CELSR1: variants seen among roughly 807,000 people sequenced by gnomAD.
The protein encoded by CELSR1 is adhesion G protein-coupled receptor C1.
A neutral mutation model predicts 249.1 loss-of-function variants in CELSR1; 110 were observed. The ratio of observed to expected loss-of-function variants is 0.44; its 90% CI spans 0.38 to 0.52. The LOEUF (loss-of-function observed/expected upper bound fraction) is 0.52. Among genes scored for constraint, CELSR1 ranks in the 20% least tolerant of loss-of-function variants. CELSR1 has a pLI of 0.00. For synonymous variants in CELSR1, 2,113 were observed against 1,900.0 expected (o/e 1.11, Z -2.92); for missense variants, 4,109 against 4,296.4 (o/e 0.96, Z 1.22).
rs1381833043 is a variant in CELSR1 at position 46,437,765 on chromosome 22, AAAAC to A, written c.4406+1420_4406+1423del. Among the ~76,000 whole-genome samples the A allele has an allele frequency of 6.6e-6, 1 of 152,004 alleles. No homozygotes were observed. Among genetic ancestry groups the A allele is most frequent in the African/African-American group, 2.4e-5 (1 of 41,294 alleles). Reference sequence around the variant, plus strand: ...AAGACTCCGTCTCAAAAAAAAAAAAAAAACTGATGGTTCCCAACTGTCGCCCAAA... The same window carrying A: ...AAGACTCCGTCTCAAAAAAAAAAAAATGATGGTTCCCAACTGTCGCCCAAA... On this transcript the variant is annotated intron_variant, in intron 3 of 34. Coordinates refer to ENST00000674500, the MANE Select transcript of CELSR1 (RefSeq NM_001378328.1). This position sits in a 1 kb window ranked among gnomAD's most constrained non-coding sequence, Gnocchi z 4.9.
Position 46,412,724 on chromosome 22 carries a change from A to T in CELSR1, c.4612-965T>A, listed in dbSNP as rs1002414624. Among the ~76,000 whole-genome samples, 1 of 152,126 alleles carries T rather than the reference A, an allele frequency of 6.6e-6. No individual in the cohort carries two copies. Among genetic ancestry groups the T allele is most frequent in the Non-Finnish European group, 1.5e-5 (1 of 68,016 alleles). On this transcript the variant is annotated intron_variant, in intron 5 of 34. Transcript: ENST00000674500. The surrounding 1 kb of genome is among the most constrained non-coding windows in gnomAD (Gnocchi z 4.5). Reference sequence around the variant, plus strand: ...CCTCAGACGCCCTTCCAGGAGGAAAAGCAGCACCCGCCCTACACAATCCAT... The same window carrying T: ...CCTCAGACGCCCTTCCAGGAGGAAATGCAGCACCCGCCCTACACAATCCAT...
rs1047520500 is a variant in CELSR1, at chr22:46,413,491, G to A, written c.4612-1732C>T. Among the ~76,000 whole-genome samples, 3 of 152,282 alleles carry A rather than the reference G, an allele frequency of 2.0e-5. No individual in the cohort carries two copies. The highest frequency in any genetic ancestry group is 2.9e-5 in the Non-Finnish European group (2 of 68,022). On this transcript the variant is annotated intron_variant, in intron 5 of 34. Transcript: ENST00000674500. This position sits in a 1 kb window ranked among gnomAD's most constrained non-coding sequence, Gnocchi z 4.7. ...TCAATTTCTTTTTGTGCAAGATAACGATTTACTATTAGAACACACGTCCTC... is the reference window on the plus strand; with the variant it reads ...TCAATTTCTTTTTGTGCAAGATAACAATTTACTATTAGAACACACGTCCTC...
At chr22:46,521,372 G>A (rs1293934141) in intron 1 of CELSR1, among the ~76,000 whole-genome samples, 1 of 152,064 alleles carries the variant, frequency 6.6e-6, no homozygotes, top group Non-Finnish European at 1.5e-5. Flanking sequence ...GGGCATGGTG[G>A]CGGGCACCTG....
chr22:46,438,534 G>A (rs1198118790), intron 3 of CELSR1, among the ~76,000 whole-genome samples: 1 of 152,208 alleles, frequency 6.6e-6, no homozygotes, highest in East Asian at 1.9e-4. Flanking sequence ...TGATGGTTTA[G>A]CCACCGTCAC....
chr22:46,408,862 G>A lies in CELSR1; in HGVS notation c.5226+134C>T. 2 of 681,214 alleles carry A rather than the reference G, an allele frequency of 2.9e-6. No homozygotes were observed. Among genetic ancestry groups the A allele is most frequent in the Non-Finnish European group, 2.4e-6 (1 of 420,060 alleles). The allele number at this position is 681,214 out of a possible 1,614,324, so 42.2% of individuals were successfully genotyped here. A position where few individuals can be genotyped will look rare whatever the true frequency, so the allele number is the denominator to read the frequency against. On this transcript the variant is annotated intron_variant, in intron 9 of 34. Transcript: ENST00000674500. The surrounding 1 kb of genome is among the most constrained non-coding windows in gnomAD (Gnocchi z 4.6). ...CTGATATTCCCCTTCCCCCTCTTCG[G>A]AGAACCCCAGGGGCGGGCGCCGGAG...
At position 46,390,545 on chromosome 22, in the gene CELSR1, G is replaced by T; in HGVS notation, c.6251-59C>A. 1 of 1,350,972 alleles carries T rather than the reference G, an allele frequency of 7.4e-7. No individual in the cohort carries two copies. The highest frequency in any genetic ancestry group is 1.0e-6 in the Non-Finnish European group (1 of 953,252). The allele number at this position is 1,350,972 out of a possible 1,614,324, so 83.7% of individuals were successfully genotyped here. On this transcript the variant is annotated intron_variant, in intron 16 of 34. Coordinates refer to ENST00000674500, the MANE Select transcript of CELSR1 (RefSeq NM_001378328.1). The surrounding 1 kb of genome is among the most constrained non-coding windows in gnomAD (Gnocchi z 6.3). ...ACTCAAACTGTTGATCAATGCTTGTGTATTTCAATCCACAATCTGAATATA... is the reference window on the plus strand; with the variant it reads ...ACTCAAACTGTTGATCAATGCTTGTTTATTTCAATCCACAATCTGAATATA...
intron 1 of CELSR1, among the ~76,000 whole-genome samples, chr22:46,485,467 G>A (rs901850874): frequency 1.3e-5 from 2 of 152,190 alleles, no homozygotes; most frequent in East Asian, 1.9e-4. Flanking sequence ...CCGTTTGGAC[G>A]GGAGGAGGCC....
At position 46,446,151 on chromosome 22, in the gene CELSR1, G is replaced by A. The variant is rs1207205680; in HGVS notation, c.4184-6740C>T. Among the ~76,000 whole-genome samples, 1 of 151,982 alleles carries A rather than the reference G, an allele frequency of 6.6e-6. No homozygotes were observed. On this transcript the variant is annotated intron_variant, in intron 2 of 34. Coordinates refer to ENST00000674500, the MANE Select transcript of CELSR1 (RefSeq NM_001378328.1). This position sits in a 1 kb window ranked among gnomAD's most constrained non-coding sequence, Gnocchi z 5.5. The stretch of plus-strand genomic sequence containing the variant: ...CCAGCCCCCTCCACACCATACTCAC[G>A]AGCCTGTGCCGGCCCCACTGTCTCC...
intron 2 of CELSR1, among the ~76,000 whole-genome samples, chr22:46,460,515 G>A (rs777838536): frequency 2.1e-4 from 32 of 152,154 alleles, no homozygotes; most frequent in Non-Finnish European, 4.3e-4. Flanking sequence ...CCTGTGTCTG[G>A]ACCCACAGGA....
intron 1 of CELSR1, among the ~76,000 whole-genome samples, chr22:46,501,990 C>T (rs1268650791): frequency 6.6e-6 from 1 of 151,964 alleles, no homozygotes; most frequent in Admixed American, 6.6e-5. Context: ...CAGGGCTGGG[C>T]GTGGTGGTTC....
At chr22:46,502,356 G>T (rs1220968800) in intron 1 of CELSR1, among the ~76,000 whole-genome samples, 1 of 88,304 alleles carries the variant, frequency 1.1e-5, no homozygotes, top group Non-Finnish European at 2.3e-5. Flanking sequence ...AGGAGGTGGG[G>T]AAAGTTGGAG....
At chr22:46,385,060 G>A (rs7288392) in intron 19 of CELSR1, among the ~76,000 whole-genome samples, 15,088 of 151,932 alleles carry the variant, frequency 0.099, 819 homozygotes, top group African/African-American at 0.15. Context: ...CCAAAGTGCT[G>A]GGATTACAGG....
rs907361796 is a variant in CELSR1, at chr22:46,512,230, G to A, written c.3544+21397C>T. Among the ~76,000 whole-genome samples the A allele has an allele frequency of 6.6e-6, 1 of 151,764 alleles. No homozygotes were observed. Among genetic ancestry groups the A allele is most frequent in the African/African-American group, 2.4e-5 (1 of 41,040 alleles). On this transcript the variant is annotated intron_variant, in intron 1 of 34. Transcript: ENST00000674500. This position sits in a 1 kb window ranked among gnomAD's most constrained non-coding sequence, Gnocchi z 5.2. ...GGGGCAGGTGTCCCGGATTTGCAGAGGAGGACCAAGAAGCACTCAGGGACT... is the reference window on the plus strand; with the variant it reads ...GGGGCAGGTGTCCCGGATTTGCAGAAGAGGACCAAGAAGCACTCAGGGACT...
chr22:46,411,721 G>A lies in CELSR1; in HGVS notation c.4650C>T (p.Ser1550=), dbSNP rs755083826. The A allele has an allele frequency of 3.0e-5, 48 of 1,614,072 alleles. No homozygotes were observed. In the South Asian group the frequency reaches 3.3e-4, roughly 11 times the overall value. ...IGHLGLPHGP[S]GEKMAVVTVD... is the part of the protein sequence containing the mutation. ...CTGTCACCACGGCCATCTTTTCCCCGGACGGCCCATGGGGCAGGCCCAGGT... is the reference window on the plus strand; with the variant it reads ...CTGTCACCACGGCCATCTTTTCCCCAGACGGCCCATGGGGCAGGCCCAGGT... The change falls in exon 6 of 35, where the codon TCC becomes TCT. Residue 1550 remains serine, a synonymous_variant. Transcript: ENST00000674500. The surrounding 1 kb of genome is among the most constrained non-coding windows in gnomAD (Gnocchi z 4.2).
chr22:46,366,773 T>C (rs147115215), intron 29 of CELSR1, among the ~76,000 whole-genome samples: 95 of 152,274 alleles, frequency 6.2e-4, no homozygotes, highest in African/African-American at 1.8e-3. Context: ...TTCTAAGGCC[T>C]GGAAGAGCAG....
In CELSR1 at chr22:46,463,568, G is replaced by A. The variant is rs538011089; in HGVS notation, c.4183+139C>T. On this transcript the variant is annotated intron_variant, in intron 2 of 34. Transcript: ENST00000674500. Reference sequence around the variant, plus strand: ...CGTTACTGAGATCATCTCAAGGTTCGTGGAGCCCACACCTGGGCCCAGCGC... The same window carrying A: ...CGTTACTGAGATCATCTCAAGGTTCATGGAGCCCACACCTGGGCCCAGCGC... 4.8e-4 allele frequency: 382 copies of A among 799,154 alleles called. 10 individuals carry two copies. The South Asian group carries it at 0.014, about 29-fold the overall frequency. The allele number at this position is 799,154 out of a possible 1,614,324, so 49.5% of individuals were successfully genotyped here. A position where few individuals can be genotyped will look rare whatever the true frequency, so the allele number is the denominator to read the frequency against.
rs1489580298 is a variant in CELSR1 at position 46,378,666 on chromosome 22, C to T, written c.7308G>A (p.Arg2436=). The change falls in exon 23 of 35, where the codon AGG becomes AGA. Residue 2436 remains arginine, a synonymous_variant. Transcript: ENST00000674500. ...WSARGCELLS[R]NRTHVACQCS... ...ACTGGCAGGCGACATGTGTCCGGTTCCTGGACAGGAGCTCGCAGCCCCGGG... is the reference window on the plus strand; with the variant it reads ...ACTGGCAGGCGACATGTGTCCGGTTTCTGGACAGGAGCTCGCAGCCCCGGG... 1.2e-6 allele frequency: 2 copies of T among 1,611,016 alleles called. No individual in the cohort carries two copies. The highest frequency in any genetic ancestry group is 1.7e-6 in the Non-Finnish European group (2 of 1,179,452).
rs1192057871 is a variant in CELSR1 at position 46,411,888 on chromosome 22, G to A, written c.4612-129C>T. 2.5e-6 allele frequency: 3 copies of A among 1,193,446 alleles called. No individual in the cohort carries two copies. In the African/African-American group the frequency reaches 4.5e-5, roughly 18 times the overall value. The allele number at this position is 1,193,446 out of a possible 1,614,324, so 73.9% of individuals were successfully genotyped here. On this transcript the variant is annotated intron_variant, in intron 5 of 34. Coordinates refer to ENST00000674500, the MANE Select transcript of CELSR1 (RefSeq NM_001378328.1). The surrounding 1 kb of genome is among the most constrained non-coding windows in gnomAD (Gnocchi z 4.2). ...GCGGCACGTAGACAAGGGATGAGGA[G>A]CCCCCGGCCTTTAGTTCCCCAAACT... is the stretch of plus-strand genomic sequence containing the variant.
rs2080641590 is a variant in CELSR1 at position 46,517,608 on chromosome 22, A to G, written c.3544+16019T>C. ...CCCCTGAGCTTCCCGTCCTGCACAC[A>G]CAGACGCACCCCTGACCTCTGACGG... On this transcript the variant is annotated intron_variant, in intron 1 of 34. Transcript: ENST00000674500. The surrounding 1 kb of genome is among the most constrained non-coding windows in gnomAD (Gnocchi z 5.4). Among the ~76,000 whole-genome samples, 1 of 152,204 alleles carries G rather than the reference A, an allele frequency of 6.6e-6. No individual in the cohort carries two copies.
Sources: gnomAD v4.1 joint callset for allele counts (sites outside exome capture counted in the v4.1 genomes callset) on GRCh38, gnomAD v4.1.1 for gene constraint, Gnocchi (gnomAD v3.1) non-coding constraint, MANE v1.5 for transcripts, NCBI Gene and HGNC (gene_info 2026-07-23, HGNC 2026-07-21) for gene names.